Variants in NTM observed in about 807,000 individuals in gnomAD.
The protein encoded by NTM is IgLON family member 2.
NTM carries 13 observed loss-of-function variants against 42.1 expected under a neutral mutation model. The observed-to-expected ratio is 0.31, with a 90% CI of 0.20 to 0.49. The LOEUF is 0.49. NTM is among the 20% of genes least tolerant of loss of function. The pLI, the probability that NTM is intolerant of heterozygous loss-of-function variation, is 0.99. For synonymous variants in NTM, 187 were observed against 179.2 expected, an observed-to-expected ratio of 1.04 and a Z score of -0.35; for missense variants, 373 against 452.8, an observed-to-expected ratio of 0.82 and a Z score of 1.60.
intron 2 of NTM, among the ~76,000 whole-genome samples, chr11:132,073,474 G>T (rs2057968232): frequency 6.6e-6 from 1 of 152,160 alleles, no homozygotes; most frequent in African/African-American, 2.4e-5. Flanking sequence ...TTTGTAAATG[G>T]CAAGCTATGA....
chr11:132,058,046 T>A (rs2135992090), intron 2 of NTM, among the ~76,000 whole-genome samples: 1 of 152,306 alleles, frequency 6.6e-6, no homozygotes, highest in African/African-American at 2.4e-5. Context: ...ACATATACAG[T>A]CCTATTCTCC....
At chr11:131,693,631 A>G (rs1592587324) in intron 1 of NTM, among the ~76,000 whole-genome samples, 1 of 152,040 alleles carries the variant, frequency 6.6e-6, no homozygotes, top group East Asian at 1.9e-4. Flanking sequence ...CGTTTATTTC[A>G]CCTTCACTTA....
chr11:131,381,181 G>A (rs535544549), intron 1 of NTM, among the ~76,000 whole-genome samples: 1 of 152,308 alleles, frequency 6.6e-6, no homozygotes, highest in Admixed American at 6.5e-5. Context: ...GAAGAATGGG[G>A]ACAGGGAAGG....
chr11:132,275,531 C>T (rs915177074), intron 4 of NTM, among the ~76,000 whole-genome samples: 7 of 149,798 alleles, frequency 4.7e-5, no homozygotes, highest in Non-Finnish European at 7.4e-5. Flanking sequence ...TCATTTTTTG[C>T]TCATTCTGCA....
intron 1 of NTM, among the ~76,000 whole-genome samples, chr11:131,515,649 C>T: frequency 6.6e-6 from 1 of 152,182 alleles, no homozygotes; most frequent in East Asian, 1.9e-4. Context: ...GTGATTCTGG[C>T]CTTGGAAGCC....
intron 1 of NTM, among the ~76,000 whole-genome samples, chr11:131,479,499 G>A (rs1030879557): frequency 8.5e-5 from 13 of 152,122 alleles, no homozygotes; most frequent in South Asian, 2.1e-4. Flanking sequence ...ACTAAGGGTC[G>A]CCTAAGGTGG....
At chr11:131,495,120 T>C (rs372101781) in intron 1 of NTM, among the ~76,000 whole-genome samples, 1 of 152,312 alleles carries the variant, frequency 6.6e-6, no homozygotes, top group Non-Finnish European at 1.5e-5. Context: ...AGGGCTGACA[T>C]GGGCAGACTC....
intron 4 of NTM, among the ~76,000 whole-genome samples, chr11:132,275,214 G>A (rs1443109353): frequency 2.5e-4 from 38 of 152,000 alleles, no homozygotes; most frequent in Non-Finnish European, 2.9e-5. Context: ...TTTTTTATAT[G>A]ATGTAAGGAA....
intron 1 of NTM, among the ~76,000 whole-genome samples, chr11:131,442,379 C>A (rs978411432): frequency 1.3e-5 from 2 of 152,174 alleles, no homozygotes; most frequent in Admixed American, 6.5e-5. Flanking sequence ...AGCAGCAATA[C>A]AACAGAGGGG....
intron 1 of NTM, among the ~76,000 whole-genome samples, chr11:131,746,481 C>T (rs2081850625): frequency 6.6e-6 from 1 of 152,170 alleles, no homozygotes; most frequent in Non-Finnish European, 1.5e-5. Context: ...GACAGATGCT[C>T]ATGAATACGT....
At chr11:132,121,621 C>T (rs1591643533) in intron 2 of NTM, among the ~76,000 whole-genome samples, 1 of 152,150 alleles carries the variant, frequency 6.6e-6, no homozygotes, top group East Asian at 1.9e-4. Context: ...TTAAATTCTA[C>T]CTCAGAACCT....
intron 1 of NTM, among the ~76,000 whole-genome samples, chr11:131,371,894 G>C (rs910125287): frequency 1.3e-5 from 2 of 152,214 alleles, no homozygotes; most frequent in African/African-American, 2.4e-5. Flanking sequence ...GCAGGGCTCC[G>C]GGAGGAGGAG....
rs77690381 is a variant in NTM at position 131,661,233 on chromosome 11, G to A, written c.83-250331G>A. ...GACACAATGGCCAGCACTTTTGCTA[G>A]AGGTCTTTCCTGGGTGAAGTTCCAA... On this transcript the variant is annotated intron_variant, in intron 1 of 8. Coordinates refer to ENST00000683400, the MANE Select transcript of NTM (RefSeq NM_001352005.2). 9.3e-4 allele frequency: 308 copies of A among 330,992 alleles called. 1 individual carries two copies. The highest frequency in any genetic ancestry group is 6.0e-3 in the African/African-American group (282 of 46,688). The allele number at this position is 330,992 out of a possible 1,614,324, so 20.5% of individuals were successfully genotyped here.
chr11:131,923,117 C>G (rs918299578), intron 2 of NTM, among the ~76,000 whole-genome samples: 1 of 152,140 alleles, frequency 6.6e-6, no homozygotes. Context: ...CCTCAGCCCC[C>G]ATCTTTCTAT....
chr11:131,778,901 T>A (rs912679731), intron 1 of NTM, among the ~76,000 whole-genome samples: 2 of 152,254 alleles, frequency 1.3e-5, no homozygotes, highest in African/African-American at 4.8e-5. Context: ...CTCCCTGGGC[T>A]AGGTTATGCC....
intron 1 of NTM, among the ~76,000 whole-genome samples, chr11:131,876,826 G>T (rs988347939): frequency 2.0e-5 from 3 of 152,026 alleles, no homozygotes; most frequent in Non-Finnish European, 4.4e-5. Context: ...TACTATATGA[G>T]GAGAAGGCAT....
chr11:132,162,041 G>A (rs147175080), intron 3 of NTM, among the ~76,000 whole-genome samples: 20 of 152,344 alleles, frequency 1.3e-4, no homozygotes, highest in Admixed American at 2.6e-4. Flanking sequence ...GGTTTCAGGT[G>A]TCTTTCTTGA....
intron 1 of NTM, among the ~76,000 whole-genome samples, chr11:131,501,915 A>G (rs567303576): frequency 6.6e-6 from 1 of 152,126 alleles, no homozygotes; most frequent in African/African-American, 2.4e-5. Flanking sequence ...TCAATGGATG[A>G]GCCTGGAATC....
At chr11:131,870,467 G>A (rs935303571) in intron 1 of NTM, among the ~76,000 whole-genome samples, 8 of 152,096 alleles carry the variant, frequency 5.3e-5, no homozygotes, top group South Asian at 2.1e-4. Context: ...CCCTTGTCCC[G>A]CCTGATGGGT....
Sources: allele counts gnomAD v4.1 joint callset (sites outside exome capture counted in the v4.1 genomes callset), GRCh38; gene constraint gnomAD v4.1.1; transcripts MANE v1.5; gene names NCBI Gene and HGNC (gene_info 2026-07-23, HGNC 2026-07-21).